PRPH2: variants seen among roughly 807,000 people sequenced by gnomAD.
PRPH2 encodes peripherin 2.
A neutral mutation model predicts 31.3 loss-of-function variants in PRPH2; 17 were observed. The observed-to-expected ratio is 0.54, with a 90% CI of 0.37 to 0.81. PRPH2 has a LOEUF of 0.81. Ranked by LOEUF, PRPH2 falls within the 40% of genes least tolerant of loss-of-function variation. The pLI, the probability that PRPH2 is intolerant of heterozygous loss-of-function variation, is 0.00. For missense variants in PRPH2, 430 were observed against 439.7 expected (o/e 0.98, Z 0.20); for synonymous variants, 165 against 184.4 (o/e 0.89, Z 0.85).
At chr6:42,706,580 C>A (rs1263608323) in intron 1 of PRPH2, among the ~76,000 whole-genome samples, 26 of 144,452 alleles carry the variant, frequency 1.8e-4, no homozygotes, top group South Asian at 4.4e-4. Context: ...GACTCTGTCT[C>A]AAAAAACAAA....
chr6:42,714,970 G>A (rs1761747855), intron 1 of PRPH2, among the ~76,000 whole-genome samples: 1 of 152,094 alleles, frequency 6.6e-6, no homozygotes, highest in Non-Finnish European at 1.5e-5. Flanking sequence ...CCAGCACTTT[G>A]GGGCTGAGGT....
intron 1 of PRPH2, among the ~76,000 whole-genome samples, chr6:42,705,498 G>A (rs1242414555): frequency 6.9e-6 from 1 of 145,468 alleles, no homozygotes; most frequent in Non-Finnish European, 1.5e-5. Flanking sequence ...CGAGGCGGGA[G>A]CCCAGGAGTT....
rs150709505 is a variant in PRPH2 at position 42,701,823 on chromosome 6, G to A, written c.828+2542C>T. On this transcript the variant is annotated intron_variant, in intron 2 of 2. Transcript: ENST00000230381. Reference sequence around the variant, plus strand: ...CAGTCTTCTTTTTGTGTGTTTTCAGGGAATGTGGCCATCTAAATTTCCAGC... The same window carrying A: ...CAGTCTTCTTTTTGTGTGTTTTCAGAGAATGTGGCCATCTAAATTTCCAGC... Among the ~76,000 whole-genome samples the A allele has an allele frequency of 2.7e-3, 406 of 150,706 alleles. 2 individuals are homozygous for A. The highest frequency in any genetic ancestry group is 9.3e-3 in the African/African-American group (383 of 41,106).
At chr6:42,701,374 C>T (rs1488034138) in intron 2 of PRPH2, among the ~76,000 whole-genome samples, 4 of 152,044 alleles carry the variant, frequency 2.6e-5, no homozygotes, top group Non-Finnish European at 4.4e-5. Flanking sequence ...TCCCCCGCCT[C>T]GGCCTCCCAA....
At chr6:42,704,703 A>G in intron 1 of PRPH2, 92 bp from the exon 2 acceptor site, 1 of 1,567,776 alleles carries the variant, frequency 6.4e-7, no homozygotes, top group Non-Finnish European at 8.8e-7. Context: ...AACCTAGAAT[A>G]GTCATTCACT....
In PRPH2 at chr6:42,704,531, G is replaced by T. The variant is rs973931180; in HGVS notation, c.662C>A (p.Pro221His). 1.2e-6 allele frequency: 2 copies of T among 1,614,168 alleles called. No individual in the cohort carries two copies. The highest frequency in any genetic ancestry group is 1.7e-6 in the Non-Finnish European group (2 of 1,180,038). ...FSCCNPSSPR[P>H]CIQYQITNNS... ...GTTGGTGATCTGATACTGGATGCAG[G>T]GCCGTGGCGAGCTAGGATTGCAGCA... The change falls in exon 2 of 3, where the codon CCC (proline) becomes CAC (histidine). Residue 221 changes from proline (P) to histidine (H), a missense_variant. Transcript: ENST00000230381.
Position 42,722,002 on chromosome 6 carries a change from G to A in PRPH2, c.333C>T (p.Ile111=). The A allele has an allele frequency of 6.2e-7, 1 of 1,614,142 alleles. No homozygotes were observed. The highest frequency in any genetic ancestry group is 8.5e-7 in the Non-Finnish European group (1 of 1,180,034). ...YLAICVLFNI[I]LFLVALCCFL... is the part of the protein sequence containing the mutation. ...AGCAGCAGAGAGCCACAAGGAAGAG[G>A]ATGATGTTGAAGAGAACACAGATAG... is the stretch of plus-strand genomic sequence containing the variant. The change falls in exon 1 of 3, where the codon ATC becomes ATT. Residue 111 remains isoleucine, a synonymous_variant. Transcript: ENST00000230381. The surrounding 1 kb of genome is among the most constrained non-coding windows in gnomAD (Gnocchi z 4.4).
Position 42,722,137 on chromosome 6 carries a change from C to A in PRPH2, c.198G>T (p.Gly66=), listed in dbSNP as rs1761916675. 6.2e-7 allele frequency: 1 copy of A among 1,614,172 alleles called. No homozygotes were observed. The change falls in exon 1 of 3, where the codon GGG becomes GGT. Residue 66 remains glycine (G), a synonymous_variant. Coordinates refer to ENST00000230381, the MANE Select transcript of PRPH2 (RefSeq NM_000322.5). This position sits in a 1 kb window ranked among gnomAD's most constrained non-coding sequence, Gnocchi z 4.4. ...TGAAGACACAGGATAGCACCCCCAT[C>A]CCTATCAATGAGTTGGGCACAAAAT... ...ESHFVPNSLI[G]MGVLSCVFNS...
chr6:42,706,613 G>GA (rs917010111), intron 1 of PRPH2, among the ~76,000 whole-genome samples: 11 of 139,200 alleles, frequency 7.9e-5, no homozygotes, highest in Non-Finnish European at 1.1e-4. Context: ...AAAGGAAAAA[G>GA]AAAAAAAAAT....
intron 1 of PRPH2, among the ~76,000 whole-genome samples, chr6:42,708,670 C>G (rs1800217242): frequency 6.6e-6 from 1 of 152,196 alleles, no homozygotes; most frequent in African/African-American, 2.4e-5. Flanking sequence ...TACAGGCTGT[C>G]CCTGGAGCCT....
intron 2 of PRPH2, among the ~76,000 whole-genome samples, chr6:42,700,182 T>G (rs1162597090): frequency 6.6e-6 from 1 of 152,196 alleles, no homozygotes; most frequent in East Asian, 1.9e-4. Context: ...GCCAGGCTGG[T>G]CTCAAACTCC....
rs147826143 is a variant in PRPH2 at position 42,714,710 on chromosome 6, G to A, written c.581+7044C>T. ...TTTTGTATTTTTTTGTAGAGATGGG[G>A]TTTCACTATGTTGCCCATGCTGGTA... On this transcript the variant is annotated intron_variant, in intron 1 of 2. Coordinates refer to ENST00000230381, the MANE Select transcript of PRPH2 (RefSeq NM_000322.5). Among the ~76,000 whole-genome samples, 1,007 of 152,156 alleles carry A rather than the reference G, an allele frequency of 6.6e-3. 7 individuals carry two copies. The highest frequency in any genetic ancestry group is 0.024 in the African/African-American group (977 of 41,502).
In PRPH2 at chr6:42,721,882, G is replaced by T; in HGVS notation, c.453C>A (p.Phe151Leu). ...YRDTDTPGRC[F>L]MKKTIDMLQI... ...GCAGCATGTCGATGGTCTTCTTCAT[G>T]AAACACCTGCCAGGGGTGTCTGTGT... is the stretch of plus-strand genomic sequence containing the variant. The change falls in exon 1 of 3, where the codon TTC becomes TTA. Residue 151 changes from phenylalanine (F) to leucine (L), a missense_variant. By Grantham distance (22) the Phe-to-Leu change is conservative. Coordinates refer to ENST00000230381, the MANE Select transcript of PRPH2 (RefSeq NM_000322.5). 1 of 1,614,218 alleles carries T rather than the reference G, an allele frequency of 6.2e-7. No homozygotes were observed. The highest frequency in any genetic ancestry group is 1.1e-5 in the South Asian group (1 of 91,088).
intron 1 of PRPH2, among the ~76,000 whole-genome samples, chr6:42,715,807 CTCCA>C (rs1761766542): frequency 6.6e-6 from 1 of 152,192 alleles, no homozygotes; most frequent in Admixed American, 6.5e-5. Context: ...CCTGAGAAAT[CTCCA>C]AAACCTGCCC....
chr6:42,715,116 G>A (rs1409666888), intron 1 of PRPH2, among the ~76,000 whole-genome samples: 5 of 152,174 alleles, frequency 3.3e-5, no homozygotes, highest in African/African-American at 1.2e-4. Flanking sequence ...AGTTGAGGCA[G>A]GAGAATCGCT....
chr6:42,706,630 C>T (rs909725006), intron 1 of PRPH2, among the ~76,000 whole-genome samples: 3 of 151,470 alleles, frequency 2.0e-5, no homozygotes, highest in Non-Finnish European at 2.9e-5. Context: ...AAATTGCACG[C>T]GAAGAATGCG....
At chr6:42,711,246 G>A (rs937248975) in intron 1 of PRPH2, among the ~76,000 whole-genome samples, 1 of 152,154 alleles carries the variant, frequency 6.6e-6, no homozygotes. Flanking sequence ...GCAGATGCGG[G>A]CCCCTCCACC....
At chr6:42,700,974 C>G (rs1320987448) in intron 2 of PRPH2, among the ~76,000 whole-genome samples, 1 of 146,426 alleles carries the variant, frequency 6.8e-6, no homozygotes, top group East Asian at 2.0e-4. Context: ...CATTTTCCCA[C>G]TGACTTTTCT....
chr6:42,706,039 G>A (rs1159171181), intron 1 of PRPH2, among the ~76,000 whole-genome samples: 2 of 151,796 alleles, frequency 1.3e-5, no homozygotes, highest in Non-Finnish European at 2.9e-5. Context: ...GGGAGGCCCA[G>A]GTGGGCAGAC....
Sources: allele counts gnomAD v4.1 joint callset (sites outside exome capture counted in the v4.1 genomes callset), GRCh38; gene constraint gnomAD v4.1.1; non-coding constraint Gnocchi (gnomAD v3.1); transcripts MANE v1.5; gene names NCBI Gene and HGNC (gene_info 2026-07-23, HGNC 2026-07-21).